Variants in ABCA5 observed in about 807,000 individuals in gnomAD.
ABCA5 encodes ATP binding cassette subfamily A member 5.
Under a neutral mutation model 206.0 loss-of-function variants are expected in ABCA5, and 163 were observed. That is an observed-to-expected ratio of 0.79 (90% CI 0.70 to 0.90). The LOEUF is 0.90. ABCA5 is among the 40% of genes least tolerant of loss of function. The probability of loss-of-function intolerance (pLI) is 0.00; values close to 1 mark genes in which losing one functional copy is unlikely to be tolerated. For missense variants in ABCA5, 1,859 were observed against 1,912.9 expected, an observed-to-expected ratio of 0.97 and a Z score of 0.53; for synonymous variants, 609 against 613.8, an observed-to-expected ratio of 0.99 and a Z score of 0.11.
intron 1 of ABCA5, chr17:69,314,709 G>A (rs2075799842): frequency 3.9e-6 from 1 of 259,186 alleles, no homozygotes; most frequent in Admixed American, 5.4e-5. Flanking sequence ...ACCGCCCACA[G>A]AGGCAGCTCC....
chr17:69,281,980 T>C (rs2075398713), intron 18 of ABCA5, among the ~76,000 whole-genome samples: 3 of 152,178 alleles, frequency 2.0e-5, no homozygotes, highest in East Asian at 1.9e-4. Flanking sequence ...CACCTGCCAC[T>C]ACAAACATTT....
At chr17:69,267,603 T>C (rs1200010988) in intron 23 of ABCA5, among the ~76,000 whole-genome samples, 1 of 152,154 alleles carries the variant, frequency 6.6e-6, no homozygotes, top group Non-Finnish European at 1.5e-5. Context: ...AAGATCACAG[T>C]CACTTCCCAA....
intron 23 of ABCA5, among the ~76,000 whole-genome samples, chr17:69,265,276 T>C (rs1028220399): frequency 1.3e-5 from 2 of 152,136 alleles, no homozygotes; most frequent in African/African-American, 4.8e-5. Context: ...TGGGAAGACA[T>C]GTTTACACAG....
chr17:69,317,399 CAAA>C (rs1168274624), intron 1 of ABCA5, among the ~76,000 whole-genome samples: 55 of 74,572 alleles, frequency 7.4e-4, no homozygotes, highest in Admixed American at 2.6e-3. Flanking sequence ...GACTCTGTCT[CAAA>C]AAAAAAAAAA....
intron 24 of ABCA5, among the ~76,000 whole-genome samples, chr17:69,262,475 A>G (rs2075159790): frequency 6.6e-6 from 1 of 152,176 alleles, no homozygotes; most frequent in Admixed American, 6.6e-5. Flanking sequence ...ATAAGTGGGA[A>G]CATGCAATAG....
rs747476156 is a variant in ABCA5, at chr17:69,270,623, G to A, written c.3020C>T (p.Pro1007Leu). 2.5e-6 allele frequency: 4 copies of A among 1,587,312 alleles called. No individual in the cohort carries two copies. The East Asian group carries it at 9.2e-5, about 36-fold the overall frequency. Residue 1007 changes from proline (P) to leucine (L), a missense_variant, in exon 22 of 39, where the codon CCA (proline) becomes CTA (leucine). By Grantham distance (98) the Pro-to-Leu change is moderately conservative (BLOSUM62 -3). Coordinates refer to ENST00000392676, the MANE Select transcript of ABCA5 (RefSeq NM_172232.4). ...VTETIQIWSTPFFQEITDIVF... is the reference protein window; with the variant it reads ...VTETIQIWSTLFFQEITDIVF... ...TATACATTGGCTTACTTGAAAGAATGGGGTACTCCAGATCTGGATGGTTTC... is the reference window on the plus strand; with the variant it reads ...TATACATTGGCTTACTTGAAAGAATAGGGTACTCCAGATCTGGATGGTTTC...
chr17:69,279,094 T>C (rs566984228), intron 18 of ABCA5, among the ~76,000 whole-genome samples: 50 of 151,986 alleles, frequency 3.3e-4, no homozygotes, highest in African/African-American at 1.2e-3. Flanking sequence ...GGAAGTCAAA[T>C]TGTCCCTGTT....
chr17:69,285,924 G>A lies in ABCA5; in HGVS notation c.2246C>T (p.Pro749Leu). Residue 749 changes from proline to leucine, a missense_variant, in exon 17 of 39, where the codon CCT becomes CTT. By Grantham distance (98) the Pro-to-Leu change is moderately conservative. Transcript: ENST00000392676. ...TGAAAATTTGTCCATGTCCTTGAAAGGCAAGCTATACACAAGTTGTTGGTC... is the reference window on the plus strand; with the variant it reads ...TGAAAATTTGTCCATGTCCTTGAAAAGCAAGCTATACACAAGTTGTTGGTC... ...QNDQQLVYSL[P>L]FKDMDKFSGL... The A allele has an allele frequency of 6.2e-7, 1 of 1,612,296 alleles. No individual in the cohort carries two copies. The highest frequency in any genetic ancestry group is 8.5e-7 in the Non-Finnish European group (1 of 1,179,214).
intron 15 of ABCA5, among the ~76,000 whole-genome samples, chr17:69,287,299 C>T (rs2075467095): frequency 6.6e-6 from 1 of 152,108 alleles, no homozygotes; most frequent in Non-Finnish European, 1.5e-5. Flanking sequence ...CTGGTTTCCT[C>T]GAGACTTTGC....
chr17:69,275,694 T>G (rs1034669803), intron 19 of ABCA5, among the ~76,000 whole-genome samples: 1 of 152,210 alleles, frequency 6.6e-6, no homozygotes, highest in African/African-American at 2.4e-5. Context: ...TATTTGACCA[T>G]GGAACACATT....
intron 1 of ABCA5, among the ~76,000 whole-genome samples, chr17:69,321,982 A>G (rs892232513): frequency 2.0e-5 from 3 of 152,208 alleles, no homozygotes; most frequent in African/African-American, 7.2e-5. Context: ...ACTAAAGCCC[A>G]TCTTCCTTTT....
chr17:69,315,708 G>A (rs1341377156), intron 1 of ABCA5, among the ~76,000 whole-genome samples: 2 of 151,756 alleles, frequency 1.3e-5, no homozygotes, highest in Admixed American at 6.6e-5. Flanking sequence ...GCTTGAACCC[G>A]GGAGGCGGAG....
chr17:69,306,898 C>A lies in ABCA5; in HGVS notation c.615G>T (p.Met205Ile). ...KELESTKAVI[M>I]GETAVVEIDT... ...CTATTTCTACAACAGCAGTTTCTCCCATAATAACAGCTTTAGTTGACTCCA... is the reference window on the plus strand; with the variant it reads ...CTATTTCTACAACAGCAGTTTCTCCAATAATAACAGCTTTAGTTGACTCCA... Residue 205 changes from methionine (M) to isoleucine (I), a missense_variant, in exon 6 of 39, where the codon ATG becomes ATT. Coordinates refer to ENST00000392676, the MANE Select transcript of ABCA5 (RefSeq NM_172232.4). 1 of 1,589,040 alleles carries A rather than the reference C, an allele frequency of 6.3e-7. No homozygotes were observed.
intron 11 of ABCA5, among the ~76,000 whole-genome samples, chr17:69,293,833 G>GGTGTGTGTGTGTGTGTGT (rs61315865): frequency 8.0e-4 from 99 of 123,780 alleles, no homozygotes; most frequent in East Asian, 2.4e-3. Context: ...CAATCATACT[G>GGTGTGTGTGTGTGTGTGT]GTGTGTGTGT....
chr17:69,286,129 T>G (rs898567558), intron 16 of ABCA5, 92 bp from the exon 17 acceptor site: 30 of 1,551,802 alleles, frequency 1.9e-5, no homozygotes, highest in Non-Finnish European at 2.5e-5. Context: ...GTACCATAAA[T>G]GATGGTCAAA....
At position 69,263,697 on chromosome 17, in the gene ABCA5, CTTTTTTT is replaced by C. The variant is rs58369537; in HGVS notation, c.3315+1031_3315+1037del. Among the ~76,000 whole-genome samples the C allele has an allele frequency of 4.3e-4, 45 of 103,674 alleles. 1 individual carries two copies. Among genetic ancestry groups the C allele is most frequent in the African/African-American group, 1.8e-3 (42 of 22,704 alleles). 68.0% of individuals were successfully genotyped at this position (103,674 alleles called of 152,430 possible). A position where few individuals can be genotyped will look rare whatever the true frequency, so the allele number is the denominator to read the frequency against. On this transcript the variant is annotated intron_variant, in intron 24 of 38. Coordinates refer to ENST00000392676, the MANE Select transcript of ABCA5 (RefSeq NM_172232.4). ...GGCTTTGTTCTTTTTACATGGATTCCTTTTTTTTTTTTTTTTTGATAAAAAGTCTCTC... is the reference window on the plus strand; with the variant it reads ...GGCTTTGTTCTTTTTACATGGATTCCTTTTTTTTTTGATAAAAAGTCTCTC...
At chr17:69,311,899 A>T (rs2075774678) in intron 3 of ABCA5, among the ~76,000 whole-genome samples, 1 of 152,192 alleles carries the variant, frequency 6.6e-6, no homozygotes, top group Non-Finnish European at 1.5e-5. Context: ...TTCTCATGGT[A>T]ATCTATACTA....
chr17:69,296,060 T>C (rs1211947071), intron 10 of ABCA5, among the ~76,000 whole-genome samples: 2 of 152,200 alleles, frequency 1.3e-5, no homozygotes, highest in African/African-American at 4.8e-5. Context: ...TTAAGCAATT[T>C]ATGGATTTTT....
chr17:69,271,240 C>G lies in ABCA5; in HGVS notation c.2814G>C (p.Met938Ile), dbSNP rs753672853. ...LISFFTSQNI[M>I]VTMINDSDYV... ...AGTCACTGTCATTAATCATCGTCACCATTATGTTCTGGCTTGTGAAAAAGC... is the reference window on the plus strand; with the variant it reads ...AGTCACTGTCATTAATCATCGTCACGATTATGTTCTGGCTTGTGAAAAAGC... Residue 938 changes from methionine to isoleucine, a missense_variant, in exon 21 of 39, where the codon ATG (methionine) becomes ATC (isoleucine). Transcript: ENST00000392676. The G allele has an allele frequency of 6.2e-7, 1 of 1,613,452 alleles. No individual in the cohort carries two copies. Among genetic ancestry groups the G allele is most frequent in the Non-Finnish European group, 8.5e-7 (1 of 1,179,616 alleles).
Sources: gnomAD v4.1 joint callset for allele counts (sites outside exome capture counted in the v4.1 genomes callset) on GRCh38, gnomAD v4.1.1 for gene constraint, MANE v1.5 for transcripts, NCBI Gene and HGNC (gene_info 2026-07-23, HGNC 2026-07-21) for gene names.